The following TEX11 variants were observed in gnomAD, a reference collection of about 807,000 sequenced individuals.
The protein encoded by TEX11 is testis expressed 11.
TEX11 carries 7 observed loss-of-function variants against 84.4 expected under a neutral mutation model. That is an observed-to-expected ratio of 0.08 (90% CI 0.05 to 0.16). The LOEUF (loss-of-function observed/expected upper bound fraction) is 0.16, where lower values mean the gene tolerates loss of function less well. Among genes scored for constraint, TEX11 ranks in the 10% least tolerant of loss-of-function variants. The pLI is 1.00. For synonymous variants in TEX11, 264 were observed against 222.8 expected (o/e 1.18, Z -1.64); for missense variants, 551 against 660.5 (o/e 0.83, Z 1.82).
intron 12 of TEX11, 60 bp downstream of exon 12, chrX:70,725,202 T>C (rs2090590406): frequency 3.7e-6 from 3 of 819,509 alleles, no homozygotes; most frequent in Middle Eastern, 3.6e-4. Context: ...AAAGATCTTA[T>C]ATTTAACAAA....
At chrX:70,865,758 A>C (rs1166224874) in intron 4 of TEX11, among the ~76,000 whole-genome samples, 1 of 112,173 alleles carries the variant, frequency 8.9e-6, no homozygotes, top group East Asian at 2.8e-4. Context: ...GCACAACTAC[A>C]TGGAAATTGA....
chrX:70,730,003 T>C (rs1366056704), intron 11 of TEX11, among the ~76,000 whole-genome samples: 2 of 112,132 alleles, frequency 1.8e-5, no homozygotes, highest in Non-Finnish European at 3.8e-5. Flanking sequence ...GGGGCCAATA[T>C]TCAACATTCT....
chrX:70,722,601 G>A lies in TEX11; in HGVS notation c.1004+17C>T, dbSNP rs1464291660. On this transcript the variant is annotated intron_variant, in intron 13 of 29. Coordinates refer to ENST00000374333, the MANE Select transcript of TEX11 (RefSeq NM_031276.3). ...AAAAACTGTCAGTCTTTAGAGAAAG[G>A]GAAATCAATTCTGTACCTTTCATGA... 4 of 1,189,097 alleles carry A rather than the reference G, an allele frequency of 3.4e-6. No individual in the cohort carries two copies. The Admixed American group carries it at 6.6e-5, about 20-fold the overall frequency.
intron 9 of TEX11, among the ~76,000 whole-genome samples, chrX:70,749,427 T>A (rs985952740): frequency 5.4e-5 from 6 of 110,886 alleles, no homozygotes; most frequent in African/African-American, 2.0e-4. Context: ...TTCTCCTGCC[T>A]AATTGCCCTG....
chrX:70,888,818 G>C (rs2091723383), intron 2 of TEX11, among the ~76,000 whole-genome samples: 1 of 111,317 alleles, frequency 9.0e-6, no homozygotes, highest in South Asian at 3.7e-4. Flanking sequence ...ATAAAGAAAA[G>C]ATCCTAAAAG....
At chrX:70,752,524 C>CAAAAAAAAAAA (rs753939405) in intron 9 of TEX11, among the ~76,000 whole-genome samples, 24 of 27,816 alleles carry the variant, frequency 8.6e-4, no homozygotes, top group Admixed American at 1.4e-3. Flanking sequence ...TACTCTGTCT[C>CAAAAAAAAAAA]AAAAAAAAAA....
At chrX:70,731,730 G>A (rs1336343547) in intron 11 of TEX11, among the ~76,000 whole-genome samples, 7 of 101,668 alleles carry the variant, frequency 6.9e-5, no homozygotes, top group African/African-American at 2.5e-4. Context: ...GAGGTACAAG[G>A]AGGAGCTGGT....
chrX:70,542,085 G>A (rs1014379341), intron 28 of TEX11, among the ~76,000 whole-genome samples: 6 of 111,049 alleles, frequency 5.4e-5, no homozygotes, highest in Non-Finnish European at 1.1e-4. Context: ...GATGTGCAAC[G>A]GACTGAATGT....
At chrX:70,605,952 T>C (rs1352364970) in intron 23 of TEX11, among the ~76,000 whole-genome samples, 1 of 112,082 alleles carries the variant, frequency 8.9e-6, no homozygotes, top group African/African-American at 3.2e-5. Context: ...CAGGCATTAG[T>C]CATGACCTCA....
chrX:70,783,684 A>G (rs147302926), intron 9 of TEX11, among the ~76,000 whole-genome samples: 6,197 of 112,009 alleles, frequency 0.055, 361 homozygotes, highest in South Asian at 0.16. Context: ...GCCATCAGAG[A>G]ATACTATAAA....
At chrX:70,659,080 C>G (rs1047124097) in intron 16 of TEX11, among the ~76,000 whole-genome samples, 4 of 112,006 alleles carry the variant, frequency 3.6e-5, no homozygotes, top group South Asian at 3.7e-4. Context: ...AAGGTGTAAA[C>G]ATAAGAGCTA....
intron 25 of TEX11, among the ~76,000 whole-genome samples, chrX:70,579,524 A>AC (rs2088738531): frequency 7.2e-5 from 1 of 13,917 alleles, no homozygotes; most frequent in Admixed American, 1.1e-3. Context: ...AAAAACAAAA[A>AC]AAAAAAAAAA....
intron 15 of TEX11, among the ~76,000 whole-genome samples, chrX:70,677,972 C>T (rs1186558624): frequency 9.2e-6 from 1 of 109,095 alleles, no homozygotes; most frequent in Non-Finnish European, 1.9e-5. Flanking sequence ...TGCTACCATG[C>T]CCAGCTAATT....
At chrX:70,629,939 C>T (rs2089490856) in intron 17 of TEX11, among the ~76,000 whole-genome samples, 1 of 112,143 alleles carries the variant, frequency 8.9e-6, no homozygotes, top group Non-Finnish European at 1.9e-5. Context: ...TGCACATGCA[C>T]TTCTGTGAAT....
At chrX:70,514,467 T>A in the TEX11 span, among the ~76,000 whole-genome samples, 2 of 108,337 alleles carry the variant, frequency 1.8e-5, no homozygotes, top group African/African-American at 6.8e-5. Context: ...TGGTGGCGGG[T>A]GCCTGTAGTC....
At chrX:70,718,662 T>G (rs2090528252) in intron 13 of TEX11, among the ~76,000 whole-genome samples, 1 of 111,891 alleles carries the variant, frequency 8.9e-6, no homozygotes, top group South Asian at 3.8e-4. Context: ...AATGCTGCAC[T>G]ACATCCCGAA....
At chrX:70,530,048 T>C in intron 28 of TEX11, 49 bp from the exon 29 acceptor site, 2 of 1,054,291 alleles carry the variant, frequency 1.9e-6, no homozygotes, top group Non-Finnish European at 2.6e-6. Flanking sequence ...CACAGTTCAT[T>C]GTGGCACTAC....
At chrX:70,520,751 A>AC in the TEX11 span, among the ~76,000 whole-genome samples, 1 of 112,237 alleles carries the variant, frequency 8.9e-6, no homozygotes, top group African/African-American at 3.2e-5. Context: ...GGTGGAGTCT[A>AC]CAGAGGCAGG....
intron 28 of TEX11, among the ~76,000 whole-genome samples, chrX:70,544,120 T>C (rs1231190601): frequency 8.9e-6 from 1 of 112,122 alleles, no homozygotes; most frequent in Non-Finnish European, 1.9e-5. Context: ...TGAGTGAACA[T>C]GAAGGTGTAG....
Sources: gnomAD v4.1 joint callset for allele counts (sites outside exome capture counted in the v4.1 genomes callset) on GRCh38, gnomAD v4.1.1 for gene constraint, MANE v1.5 for transcripts, NCBI Gene and HGNC (gene_info 2026-07-23, HGNC 2026-07-21) for gene names.